Variants in SPECC1 observed in about 807,000 individuals in gnomAD.
The protein encoded by SPECC1 is cytospin-B.
SPECC1 carries 62 observed loss-of-function variants against 104.1 expected under a neutral mutation model. The observed-to-expected ratio is 0.60, with a 90% CI of 0.49 to 0.74. The LOEUF is 0.74. Ranked by LOEUF, SPECC1 falls within the 30% of genes least tolerant of loss-of-function variation. The pLI, the probability that SPECC1 is intolerant of heterozygous loss-of-function variation, is 0.00. For missense variants in SPECC1, 1,306 were observed against 1,310.5 expected (o/e 1.00, Z 0.05); for synonymous variants, 513 against 501.6 (o/e 1.02, Z -0.30).
At chr17:20,168,679 A>G (rs2151167604) in intron 3 of SPECC1, among the ~76,000 whole-genome samples, 1 of 152,358 alleles carries the variant, frequency 6.6e-6, no homozygotes, top group East Asian at 1.9e-4. Context: ...TAGAATAACC[A>G]AGGAGATCAA....
chr17:20,114,925 A>G (rs879032515), intron 3 of SPECC1, among the ~76,000 whole-genome samples: 8 of 152,230 alleles, frequency 5.3e-5, no homozygotes, highest in Non-Finnish European at 1.2e-4. Context: ...ATCTATTTTC[A>G]TAATCAACAT....
intron 12 of SPECC1, among the ~76,000 whole-genome samples, chr17:20,262,932 C>G (rs1418406349): frequency 2.6e-5 from 4 of 151,978 alleles, no homozygotes; most frequent in African/African-American, 9.7e-5. Flanking sequence ...ATTGTTTGCG[C>G]CCAGGAGTTT....
intron 2 of SPECC1, among the ~76,000 whole-genome samples, chr17:20,102,682 C>T (rs2047999044): frequency 6.6e-6 from 1 of 152,122 alleles, no homozygotes; most frequent in Non-Finnish European, 1.5e-5. Flanking sequence ...CGAAGAAGAG[C>T]CTGAGGTTCA....
chr17:20,285,451 C>A (rs1310919372), intron 12 of SPECC1, among the ~76,000 whole-genome samples: 5 of 151,884 alleles, frequency 3.3e-5, no homozygotes, highest in Non-Finnish European at 7.4e-5. Context: ...AGACCTATAA[C>A]CAGTTTTGGA....
At chr17:20,155,349 G>C (rs1379097067) in intron 3 of SPECC1, 5 of 152,222 alleles carry the variant, frequency 3.3e-5, no homozygotes. Context: ...GCACGAGATA[G>C]AACCAGTCAT....
At chr17:20,145,751 A>G (rs2031392356) in intron 3 of SPECC1, among the ~76,000 whole-genome samples, 2 of 152,286 alleles carry the variant, frequency 1.3e-5, no homozygotes, top group South Asian at 4.1e-4. Context: ...AGAACAGGCC[A>G]CCTTCTCTCA....
rs1192426639 is a variant in SPECC1 at position 20,159,065 on chromosome 17, C to A, written c.284-45268C>A. Among the ~76,000 whole-genome samples the A allele has an allele frequency of 2.0e-5, 3 of 151,976 alleles. No individual in the cohort carries two copies. In the East Asian group the frequency reaches 5.8e-4, roughly 29 times the overall value. ...CTCTGCCTCCTGGGTTAAAGCGATC[C>A]TCCCGAGTAGCTGAGACTGCAGGTG... is the stretch of plus-strand genomic sequence containing the variant. On this transcript the variant is annotated intron_variant, in intron 3 of 14. Transcript: ENST00000395527.
At chr17:20,250,993 A>G (rs899092115) in intron 9 of SPECC1, among the ~76,000 whole-genome samples, 1 of 151,970 alleles carries the variant, frequency 6.6e-6, no homozygotes, top group Non-Finnish European at 1.5e-5. Context: ...TTGGGAGGCC[A>G]AGGTAGGTGG....
Position 20,064,339 on chromosome 17 carries a change from T to C in SPECC1, c.-21-32292T>C, listed in dbSNP as rs542331430. On this transcript the variant is annotated intron_variant, in intron 1 of 14. Coordinates refer to ENST00000395527, the MANE Select transcript of SPECC1 (RefSeq NM_001243439.2). ...TTGTGGGGGATTGACGATGAGTCAT[T>C]CTTCAGACTCTCTGGGACTCTTGTT... 5.3e-5 allele frequency among the ~76,000 whole-genome samples: 8 copies of C among 152,334 alleles called. No individual in the cohort carries two copies. In the South Asian group the frequency reaches 1.5e-3, roughly 28 times the overall value.
intron 4 of SPECC1, among the ~76,000 whole-genome samples, chr17:20,208,741 T>G (rs376517899): frequency 4.6e-5 from 7 of 152,364 alleles, no homozygotes; most frequent in African/African-American, 1.7e-4. Flanking sequence ...GTATGTTTTT[T>G]GTAGGCATTT....
intron 12 of SPECC1, among the ~76,000 whole-genome samples, chr17:20,266,298 T>G (rs2151617036): frequency 6.6e-6 from 1 of 152,310 alleles, no homozygotes; most frequent in South Asian, 2.1e-4. Flanking sequence ...TTGTAGGTGC[T>G]GGGGGCCGGG....
intron 1 of SPECC1, among the ~76,000 whole-genome samples, chr17:20,038,122 G>A (rs2045166294): frequency 6.6e-6 from 1 of 151,630 alleles, no homozygotes; most frequent in South Asian, 2.1e-4. Context: ...TTGTTTGTTA[G>A]CCTTGCTAGA....
chr17:20,190,721 G>GT (rs2035615452), intron 3 of SPECC1, among the ~76,000 whole-genome samples: 1 of 152,178 alleles, frequency 6.6e-6, no homozygotes, highest in Admixed American at 6.5e-5. Context: ...ATGTATCCAA[G>GT]TTTTTTGTAG....
At chr17:20,253,421 C>A in intron 9 of SPECC1, 84 bp from the exon 10 acceptor site, 1 of 1,314,294 alleles carries the variant, frequency 7.6e-7, no homozygotes, top group South Asian at 1.3e-5. Context: ...GTTGCACACA[C>A]ACGCATGCAC....
intron 1 of SPECC1, among the ~76,000 whole-genome samples, chr17:20,066,931 TG>T (rs1555600557): frequency 6.8e-6 from 1 of 147,804 alleles, no homozygotes; most frequent in Non-Finnish European, 1.5e-5. Flanking sequence ...TTTTTTTTTT[TG>T]GTAGAGATAA....
At chr17:20,265,071 A>G (rs2040173175) in intron 12 of SPECC1, among the ~76,000 whole-genome samples, 1 of 152,174 alleles carries the variant, frequency 6.6e-6, no homozygotes, top group Non-Finnish European at 1.5e-5. Flanking sequence ...TCTACTGTGA[A>G]CAGTGCTGCA....
At chr17:20,237,388 C>A in intron 7 of SPECC1, 2 of 636,988 alleles carry the variant, frequency 3.1e-6, no homozygotes, top group Non-Finnish European at 4.0e-6. Context: ...GATCTCGGCT[C>A]ACTGCAACCT....
At chr17:20,055,260 T>C (rs1355888045) in intron 1 of SPECC1, among the ~76,000 whole-genome samples, 1 of 108,398 alleles carries the variant, frequency 9.2e-6, no homozygotes, top group Non-Finnish European at 2.1e-5. Flanking sequence ...TGTTATAGAA[T>C]TTCCTTTTTT....
intron 4 of SPECC1, among the ~76,000 whole-genome samples, chr17:20,212,211 A>G (rs1400020647): frequency 6.6e-6 from 1 of 152,228 alleles, no homozygotes; most frequent in African/African-American, 2.4e-5. Context: ...CTTTAGGCCA[A>G]TAAGAATGAA....
Sources: allele counts gnomAD v4.1 joint callset (sites outside exome capture counted in the v4.1 genomes callset), GRCh38; gene constraint gnomAD v4.1.1; transcripts MANE v1.5; gene names NCBI Gene and HGNC (gene_info 2026-07-23, HGNC 2026-07-21).